PLIN5: variants seen among roughly 807,000 people sequenced by gnomAD.
The protein encoded by PLIN5 is perilipin 5.
Under a neutral mutation model 32.8 loss-of-function variants are expected in PLIN5, and 34 were observed. That is an observed-to-expected ratio of 1.04 (90% CI 0.79 to 1.38). The LOEUF is 1.38. Among genes scored for constraint, PLIN5 ranks in the 40% most tolerant of loss-of-function variants. The pLI, the probability that PLIN5 is intolerant of heterozygous loss-of-function variation, is 0.00. For missense variants in PLIN5, 712 were observed against 660.5 expected, an observed-to-expected ratio of 1.08 and a Z score of -0.85; for synonymous variants, 309 against 292.9, an observed-to-expected ratio of 1.05 and a Z score of -0.56.
chr19:4,529,786 T>G lies in PLIN5; in HGVS notation c.337A>C (p.Thr113Pro). 6.2e-7 allele frequency: 1 copy of G among 1,611,280 alleles called. No individual in the cohort carries two copies. The highest frequency in any genetic ancestry group is 8.5e-7 in the Non-Finnish European group (1 of 1,178,128). ...CCATGTCTAGTCGTCCGGGGTACCG[T>G]CTCCGAAGGTTGCTGGAGAAAGGGA... ...KLPFLQQPSETVVTSAKDVVA... is the reference protein window; with the variant it reads ...KLPFLQQPSEPVVTSAKDVVA... The change falls in exon 4 of 8, where the codon ACG (threonine) becomes CCG (proline). Residue 113 changes from threonine (T) to proline (P), a missense_variant and splice_region_variant. Coordinates refer to ENST00000381848, the MANE Select transcript of PLIN5 (RefSeq NM_001013706.3).
Position 4,524,992 on chromosome 19 carries a change from G to A in PLIN5, c.805C>T (p.Arg269Cys), listed in dbSNP as rs773617074. The A allele has an allele frequency of 5.0e-5, 76 of 1,523,196 alleles. No homozygotes were observed. The highest frequency in any genetic ancestry group is 3.0e-4 in the African/African-American group (21 of 70,492). The allele number at this position is 1,523,196 out of a possible 1,614,324, so 94.4% of individuals were successfully genotyped here. The change falls in exon 7 of 8, where the codon CGC becomes TGC. Residue 269 changes from arginine (R) to cysteine (C), a missense_variant. Coordinates refer to ENST00000381848, the MANE Select transcript of PLIN5 (RefSeq NM_001013706.3). ...CTCCGGCGGCGGCTCTCCGGAGGGC[G>A]CTGGCCCCATTCCCCCCACAGCTCG... ...VHELWGEWGQ[R>C]PPESRRRSQA...
In PLIN5 at chr19:4,525,645, C is replaced by T. The variant is rs1976790937; in HGVS notation, c.708G>A (p.Glu236=). Residue 236 remains glutamate, a synonymous_variant, in exon 6 of 8, where the codon GAG becomes GAA. Coordinates refer to ENST00000381848, the MANE Select transcript of PLIN5 (RefSeq NM_001013706.3). The surrounding 1 kb of genome is among the most constrained non-coding windows in gnomAD (Gnocchi z 5.6). ...AGCGGGCTCTCACCAGCTCCAGCGT[C>T]TCCTGCAGCTGGGCCAGGGTGTCCT... ...RAQDTLAQLQ[E]TLELIDHMQC... is the part of the protein sequence containing the mutation. The T allele has an allele frequency of 1.2e-6, 2 of 1,613,354 alleles. No individual in the cohort carries two copies. Among genetic ancestry groups the T allele is most frequent in the South Asian group, 1.1e-5 (1 of 91,084 alleles).
chr19:4,526,234 T>A (rs1423514894), intron 5 of PLIN5, among the ~76,000 whole-genome samples: 1 of 152,090 alleles, frequency 6.6e-6, no homozygotes, highest in Non-Finnish European at 1.5e-5. Flanking sequence ...CATTTTTTTT[T>A]TCTTTGAGAT....
rs755117210 is a variant in PLIN5 at position 4,525,861 on chromosome 19, G to A, written c.521-29C>T. On this transcript the variant is annotated intron_variant, in intron 5 of 7. Transcript: ENST00000381848. This position sits in a 1 kb window ranked among gnomAD's most constrained non-coding sequence, Gnocchi z 5.6. ...GAGGACAGGATACGGGGACAGCACG[G>A]GGACAGGATACGGGGACAGCACGGG... The A allele has an allele frequency of 6.7e-7, 1 of 1,483,578 alleles. No individual in the cohort carries two copies. Among genetic ancestry groups the A allele is most frequent in the Middle Eastern group, 1.8e-4 (1 of 5,532 alleles). The allele number at this position is 1,483,578 out of a possible 1,614,324, so 91.9% of individuals were successfully genotyped here. A position where few individuals can be genotyped will look rare whatever the true frequency, so the allele number is the denominator to read the frequency against.
At chr19:4,533,157 G>T (rs1280791684) in intron 2 of PLIN5, 1 of 150,366 alleles carries the variant, frequency 6.7e-6, no homozygotes, top group Non-Finnish European at 1.5e-5. Flanking sequence ...GTGCAGTGGC[G>T]TGATCTCGGC....
intron 7 of PLIN5, among the ~76,000 whole-genome samples, chr19:4,524,663 A>G (rs986876528): frequency 6.6e-6 from 1 of 152,146 alleles, no homozygotes; most frequent in African/African-American, 2.4e-5. Context: ...GCCAGGGACT[A>G]CTGCTTGCTT....
rs375141454 is a variant in PLIN5 at position 4,531,735 on chromosome 19, G to A, written c.148C>T (p.His50Tyr). Residue 50 changes from histidine (H) to tyrosine (Y), a missense_variant, in exon 3 of 8, where the codon CAC becomes TAC. His to Tyr is a moderately conservative substitution (Grantham distance 83). Coordinates refer to ENST00000381848, the MANE Select transcript of PLIN5 (RefSeq NM_001013706.3). ...CGGCAGGCGGAGCCCAGCAGCGGGT[G>A]CCTGTCCTTGGCTGCACTGTAAACA... ...CDVYSAAKDR[H>Y]PLLGSACRLA... is the part of the protein sequence containing the mutation. The A allele has an allele frequency of 3.1e-6, 5 of 1,598,472 alleles. No homozygotes were observed. Among genetic ancestry groups the A allele is most frequent in the East Asian group, 4.5e-5 (2 of 44,148 alleles).
chr19:4,525,036 G>A lies in PLIN5; in HGVS notation c.761C>T (p.Ala254Val). Residue 254 changes from alanine (A) to valine (V), a missense_variant, in exon 7 of 8, where the codon GCC becomes GTC. Ala to Val is a moderately conservative substitution (Grantham distance 64). Coordinates refer to ENST00000381848, the MANE Select transcript of PLIN5 (RefSeq NM_001013706.3). The surrounding 1 kb of genome is among the most constrained non-coding windows in gnomAD (Gnocchi z 5.6). ...CAGCTCGTGCACCTTCCCAGGGCAGGCCGGGGCGGTGGGGGTCACCCCACA... is the reference window on the plus strand; with the variant it reads ...CAGCTCGTGCACCTTCCCAGGGCAGACCGGGGCGGTGGGGGTCACCCCACA... ...MQCGVTPTAP[A>V]CPGKVHELWG... The A allele has an allele frequency of 1.4e-6, 2 of 1,458,634 alleles. No individual in the cohort carries two copies. Among genetic ancestry groups the A allele is most frequent in the South Asian group, 1.4e-5 (1 of 72,894 alleles). The allele number at this position is 1,458,634 out of a possible 1,614,324, so 90.4% of individuals were successfully genotyped here.
intron 5 of PLIN5, among the ~76,000 whole-genome samples, chr19:4,527,553 A>C (rs1164528321): frequency 6.7e-6 from 1 of 149,164 alleles, no homozygotes; most frequent in African/African-American, 2.5e-5. Flanking sequence ...AAAAAAAAAA[A>C]AAAAAAAAAA....
intron 5 of PLIN5, among the ~76,000 whole-genome samples, chr19:4,527,237 G>A (rs1016476399): frequency 5.9e-5 from 9 of 151,718 alleles, no homozygotes; most frequent in Admixed American, 1.3e-4. Context: ...CACCACGCCC[G>A]GCCAATTTTT....
In PLIN5 at chr19:4,525,136, G is replaced by C. The variant is rs1262741368; in HGVS notation, c.721-60C>G. 1 of 971,368 alleles carries C rather than the reference G, an allele frequency of 1.0e-6. No individual in the cohort carries two copies. Among genetic ancestry groups the C allele is most frequent in the Non-Finnish European group, 1.5e-6 (1 of 688,344 alleles). The allele number at this position is 971,368 out of a possible 1,614,324, so 60.2% of individuals were successfully genotyped here. ...GGGAGCTGGGGGAGCTGGGGGTCGG[G>C]GTGGGGTCCAGGACCACTGATCTGG... On this transcript the variant is annotated intron_variant, in intron 6 of 7. Coordinates refer to ENST00000381848, the MANE Select transcript of PLIN5 (RefSeq NM_001013706.3). This position sits in a 1 kb window ranked among gnomAD's most constrained non-coding sequence, Gnocchi z 5.6.
Position 4,524,103 on chromosome 19 carries a change from C to G in PLIN5, c.835-18G>C, listed in dbSNP as rs1976769090. 1 of 1,398,566 alleles carries G rather than the reference C, an allele frequency of 7.2e-7. No individual in the cohort carries two copies. Among genetic ancestry groups the G allele is most frequent in the African/African-American group, 1.5e-5 (1 of 65,908 alleles). The allele number at this position is 1,398,566 out of a possible 1,614,324, so 86.6% of individuals were successfully genotyped here. On this transcript the variant is annotated intron_variant, in intron 7 of 7. Transcript: ENST00000381848. The stretch of plus-strand genomic sequence containing the variant: ...AGCTCTGCCTGCAGGGGGCGGGGAC[C>G]TCAGTTTCCCCTATGGACGCCCAGG...
rs1054735589 is a variant in PLIN5, at chr19:4,529,231, A to G, written c.362T>C (p.Val121Ala). Residue 121 changes from valine to alanine, a missense_variant, in exon 5 of 8, where the codon GTG becomes GCG. Transcript: ENST00000381848. ...CACACCCGTGACACTGCTGGCCACC[A>G]CGTCCTTGGCTGAGGTCACCACCTG... Reference protein sequence around the residue: ...SETVVTSAKDVVASSVTGVVD... With the variant: ...SETVVTSAKDAVASSVTGVVD... 1 of 1,609,110 alleles carries G rather than the reference A, an allele frequency of 6.2e-7. No individual in the cohort carries two copies.
At chr19:4,531,010 T>C (rs1976877356) in intron 3 of PLIN5, among the ~76,000 whole-genome samples, 1 of 148,398 alleles carries the variant, frequency 6.7e-6, no homozygotes, top group African/African-American at 2.5e-5. Context: ...TTTTTGCTTT[T>C]TTTTTTTTGA....
At chr19:4,534,386 A>AT (rs1462316612) in intron 1 of PLIN5, 15 of 368,282 alleles carry the variant, frequency 4.1e-5, no homozygotes, top group African/African-American at 2.3e-4. Context: ...TATTTTTATT[A>AT]TTTTTTTAAA....
chr19:4,525,623 G>A lies in PLIN5; in HGVS notation c.720+10C>T, dbSNP rs199660315. The A allele has an allele frequency of 6.0e-5, 96 of 1,611,830 alleles. No homozygotes were observed. The African/African-American group carries it at 8.0e-4, about 13-fold the overall frequency. On this transcript the variant is annotated intron_variant, in intron 6 of 7. Transcript: ENST00000381848. This position sits in a 1 kb window ranked among gnomAD's most constrained non-coding sequence, Gnocchi z 5.6. ...GCATCCCGGAGCAGGGGCGGGCAGC[G>A]GGCTCTCACCAGCTCCAGCGTCTCC...
At chr19:4,526,177 G>A (rs1976801215) in intron 5 of PLIN5, among the ~76,000 whole-genome samples, 1 of 152,140 alleles carries the variant, frequency 6.6e-6, no homozygotes, top group Non-Finnish European at 1.5e-5. Context: ...GATCCAAGAA[G>A]CAGACCCAGA....
chr19:4,529,176 C>G lies in PLIN5; in HGVS notation c.417G>C (p.Trp139Cys). 1 of 1,613,230 alleles carries G rather than the reference C, an allele frequency of 6.2e-7. No individual in the cohort carries two copies. Among genetic ancestry groups the G allele is most frequent in the Middle Eastern group, 1.6e-4 (1 of 6,062 alleles). The change falls in exon 5 of 8, where the codon TGG becomes TGC. Residue 139 changes from tryptophan (W) to cysteine (C), a missense_variant. Coordinates refer to ENST00000381848, the MANE Select transcript of PLIN5 (RefSeq NM_001013706.3). The part of the protein sequence containing the change: ...VVDLARRGRR[W>C]SVELKRSVSH... ...TCACGGAGCGCTTCAGCTCCACGCT[C>G]CAGCGCCGGCCCCTCCGGGCCAGGT...
At chr19:4,530,248 C>T (rs944363042) in intron 3 of PLIN5, among the ~76,000 whole-genome samples, 3 of 152,134 alleles carry the variant, frequency 2.0e-5, no homozygotes, top group African/African-American at 4.8e-5. Flanking sequence ...CCTCCTCTGC[C>T]ATCCTGCCTG....
Sources: gnomAD v4.1 joint callset for allele counts (sites outside exome capture counted in the v4.1 genomes callset) on GRCh38, gnomAD v4.1.1 for gene constraint, Gnocchi (gnomAD v3.1) non-coding constraint, MANE v1.5 for transcripts, NCBI Gene and HGNC (gene_info 2026-07-23, HGNC 2026-07-21) for gene names.